Variants in SERINC5 observed in about 807,000 individuals in gnomAD.
The protein encoded by SERINC5 is serine incorporator 5.
In SERINC5, 41 loss-of-function variants were observed where a neutral mutation model predicts 63.1. The observed-to-expected ratio is 0.65, with a 90% CI of 0.51 to 0.84. SERINC5 has a LOEUF of 0.84. Among genes scored for constraint, SERINC5 ranks in the 40% least tolerant of loss-of-function variants. SERINC5 has a pLI of 0.00. For synonymous variants in SERINC5, 222 were observed against 215.2 expected (o/e 1.03, Z -0.28); for missense variants, 523 against 573.0 (o/e 0.91, Z 0.89).
rs570557603 is a variant in SERINC5 at position 80,143,847 on chromosome 5, G to A, written c.1239-37C>T. ...AGACACCTAGCCGCGGTCAAAGCAG[G>A]AATATATTGAGATACAATTCACTAA... On this transcript the variant is annotated intron_variant, in intron 11 of 11. Transcript: ENST00000507668. 2 of 1,533,338 alleles carry A rather than the reference G, an allele frequency of 1.3e-6. 1 individual carries two copies. 95.0% of individuals were successfully genotyped at this position (1,533,338 alleles called of 1,614,324 possible). A position where few individuals can be genotyped will look rare whatever the true frequency, so the allele number is the denominator to read the frequency against.
At chr5:80,169,313 G>T (rs372573915) in intron 6 of SERINC5, 22 bp downstream of exon 6, 126 of 1,598,734 alleles carry the variant, frequency 7.9e-5, no homozygotes, top group Admixed American at 2.0e-4. Flanking sequence ...AAGTAACGAA[G>T]AATGGAAAAA....
intron 1 of SERINC5, among the ~76,000 whole-genome samples, chr5:80,212,882 C>T (rs969449315): frequency 6.6e-6 from 1 of 152,180 alleles, no homozygotes; most frequent in African/African-American, 2.4e-5. Flanking sequence ...TCAACACATA[C>T]ACATGTGGTT....
At chr5:80,166,857 G>A (rs571712968) in intron 6 of SERINC5, 2 of 200,646 alleles carry the variant, frequency 1.0e-5, no homozygotes, top group Non-Finnish European at 2.1e-5. Flanking sequence ...AGCTTAATTG[G>A]GGAGGGGAGT....
intron 2 of SERINC5, among the ~76,000 whole-genome samples, chr5:80,195,529 G>A (rs545149448): frequency 1.3e-5 from 2 of 152,106 alleles, no homozygotes; most frequent in African/African-American, 2.4e-5. Context: ...TCTTTAACTC[G>A]CTCCTTTAAG....
chr5:80,161,003 C>A (rs866167398), intron 7 of SERINC5, among the ~76,000 whole-genome samples: 1 of 141,430 alleles, frequency 7.1e-6, no homozygotes, highest in Non-Finnish European at 1.5e-5. Context: ...TATATATATA[C>A]GTGTATATAT....
rs115930430 is a variant in SERINC5 at position 80,204,745 on chromosome 5, T to G, written c.28-1692A>C. Among the ~76,000 whole-genome samples the G allele has an allele frequency of 9.7e-3, 1,477 of 151,956 alleles. 24 individuals carry two copies. Among genetic ancestry groups the G allele is most frequent in the African/African-American group, 0.034 (1,390 of 41,410 alleles). ...TGGGAAGAACATGAAAAACAAAAAG[T>G]TGGGCCCAAGAAAGTGAGGGAGAAG... On this transcript the variant is annotated intron_variant, in intron 1 of 11. Coordinates refer to ENST00000507668, the MANE Select transcript of SERINC5 (RefSeq NM_001174072.3).
chr5:80,212,864 T>C (rs1201156982), intron 1 of SERINC5, among the ~76,000 whole-genome samples: 4 of 152,206 alleles, frequency 2.6e-5, no homozygotes, highest in Admixed American at 2.0e-4. Flanking sequence ...GGTTGTATTC[T>C]AGAAAACTCA....
chr5:80,170,214 A>G (rs1747560136), intron 5 of SERINC5, among the ~76,000 whole-genome samples: 2 of 152,184 alleles, frequency 1.3e-5, no homozygotes, highest in African/African-American at 2.4e-5. Flanking sequence ...CTTGTAATGG[A>G]CATTGTCAGT....
At chr5:80,238,184 T>G (rs1295135822) in intron 1 of SERINC5, among the ~76,000 whole-genome samples, 1 of 148,302 alleles carries the variant, frequency 6.7e-6, no homozygotes, top group Non-Finnish European at 1.5e-5. Flanking sequence ...CCCCCCATCA[T>G]AAGGAAATAA....
At chr5:80,226,708 T>C (rs975052637) in intron 1 of SERINC5, among the ~76,000 whole-genome samples, 3 of 152,162 alleles carry the variant, frequency 2.0e-5, no homozygotes, top group East Asian at 3.9e-4. Flanking sequence ...TCTTGTAATT[T>C]GTGGCAGTGA....
chr5:80,192,195 TGAG>T (rs1561412418), intron 2 of SERINC5, among the ~76,000 whole-genome samples: 1 of 152,196 alleles, frequency 6.6e-6, no homozygotes, highest in Non-Finnish European at 1.5e-5. Flanking sequence ...GAAGAATAGA[TGAG>T]GAGTTGTGGC....
intron 1 of SERINC5, 102 bp downstream of exon 1, chr5:80,255,794 G>C: frequency 1.6e-6 from 2 of 1,288,292 alleles, no homozygotes; most frequent in Non-Finnish European, 1.1e-6. Flanking sequence ...CCCTACGTTC[G>C]GCCGCGGAGC....
At position 80,140,104 on chromosome 5, in the gene SERINC5, C is replaced by CA; in HGVS notation, c.*3558dup. The CA allele has an allele frequency of 7.5e-6, 7 of 935,198 alleles. No individual in the cohort carries two copies. The highest frequency in any genetic ancestry group is 8.9e-6 in the Non-Finnish European group (7 of 784,466). 57.9% of individuals were successfully genotyped at this position (935,198 alleles called of 1,614,324 possible). On this transcript the variant is annotated 3_prime_UTR_variant, in exon 12 of 12. Transcript: ENST00000507668. ...CAGCACTTTGGGAAGCCAAGGCGGG[C>CA]ACATTGCTTGAGCTCAGGAGTTTGA...
rs190091591 is a variant in SERINC5 at position 80,208,939 on chromosome 5, G to C, written c.28-5886C>G. ...TGAAGTACTAAACCCTAGTACCTCAGAAAGTGACTGTATTTGCAGATAGGG... is the reference window on the plus strand; with the variant it reads ...TGAAGTACTAAACCCTAGTACCTCACAAAGTGACTGTATTTGCAGATAGGG... On this transcript the variant is annotated intron_variant, in intron 1 of 11. Coordinates refer to ENST00000507668, the MANE Select transcript of SERINC5 (RefSeq NM_001174072.3). Among the ~76,000 whole-genome samples, 18 of 152,318 alleles carry C rather than the reference G, an allele frequency of 1.2e-4. No individual in the cohort carries two copies. The East Asian group carries it at 3.3e-3, about 28-fold the overall frequency.
chr5:80,212,665 T>TGGGGGG (rs752075084), intron 1 of SERINC5, among the ~76,000 whole-genome samples: 88 of 49,968 alleles, frequency 1.8e-3, no homozygotes, highest in African/African-American at 4.6e-3. Flanking sequence ...AGTGGTGGGG[T>TGGGGGG]GGGGGGGGGG....
chr5:80,139,829 G>A lies in SERINC5; in HGVS notation c.*3834C>T. 1.0e-6 allele frequency: 1 copy of A among 985,380 alleles called. No homozygotes were observed. Among genetic ancestry groups the A allele is most frequent in the Admixed American group, 6.1e-5 (1 of 16,272 alleles). The allele number at this position is 985,380 out of a possible 1,614,324, so 61.0% of individuals were successfully genotyped here. ...GTGTGTAAGGTCTTACTTAGTTCAA[G>A]GTTTGTCCCTTCTTAGTTGTAGGTT... On this transcript the variant is annotated 3_prime_UTR_variant, in exon 12 of 12. Coordinates refer to ENST00000507668, the MANE Select transcript of SERINC5 (RefSeq NM_001174072.3).
intron 11 of SERINC5, chr5:80,116,048 C>T (rs866402164): frequency 7.4e-5 from 24 of 325,080 alleles, no homozygotes; most frequent in Middle Eastern, 1.1e-3. Context: ...TCTGAGAGAA[C>T]CATGATGGGG....
intron 11 of SERINC5, among the ~76,000 whole-genome samples, chr5:80,118,714 A>ATTTTTTTT (rs34814066): frequency 3.7e-5 from 4 of 108,254 alleles, no homozygotes; most frequent in African/African-American, 1.1e-4. Context: ...TGTCCAGCTA[A>ATTTTTTTT]TTTTTTTTTT....
At chr5:80,183,791 C>A (rs1157077107) in intron 2 of SERINC5, among the ~76,000 whole-genome samples, 2 of 152,138 alleles carry the variant, frequency 1.3e-5, no homozygotes, top group Non-Finnish European at 2.9e-5. Flanking sequence ...CCCTATCTCC[C>A]TTCGCTGACT....
Sources: gnomAD v4.1 joint callset for allele counts (sites outside exome capture counted in the v4.1 genomes callset) on GRCh38, gnomAD v4.1.1 for gene constraint, MANE v1.5 for transcripts, NCBI Gene and HGNC (gene_info 2026-07-23, HGNC 2026-07-21) for gene names.